RBM14: variants seen among roughly 807,000 people sequenced by gnomAD.
RBM14 encodes RNA-binding protein 14.
In RBM14, 5 loss-of-function variants were observed where a neutral mutation model predicts 52.8. The ratio of observed to expected loss-of-function variants is 0.09; its 90% CI spans 0.05 to 0.20. The LOEUF (loss-of-function observed/expected upper bound fraction) is 0.20. Ranked by LOEUF, RBM14 falls within the 10% of genes least tolerant of loss-of-function variation. The probability of loss-of-function intolerance (pLI) is 1.00; values close to 1 mark genes in which losing one functional copy is unlikely to be tolerated. For missense variants in RBM14, 780 were observed against 926.6 expected, an observed-to-expected ratio of 0.84 and a Z score of 2.05; for synonymous variants, 411 against 401.8, an observed-to-expected ratio of 1.02 and a Z score of -0.28.
At position 66,617,085 on chromosome 11, in the gene RBM14, G is replaced by C. The variant is rs1439765177; in HGVS notation, c.337+28G>C. The C allele has an allele frequency of 3.2e-6, 5 of 1,549,884 alleles. No homozygotes were observed. In the African/African-American group the frequency reaches 6.8e-5, roughly 21 times the overall value. ...AACGCGGAGGCGCGCTCGGGGGCGG[G>C]GGCGCGCTCGGGGCACTCTGCCTGT... On this transcript the variant is annotated intron_variant, in intron 1 of 2. Transcript: ENST00000310137.
chr11:66,625,609 G>A lies in RBM14; in HGVS notation c.1733G>A (p.Arg578His). The stretch of plus-strand genomic sequence containing the variant: ...AACAGCACCCCGCCGCCCTATGAGC[G>A]TACCCGCCTCTCCCCACCCCGGGCC... ...NANSTPPPYE[R>H]TRLSPPRASY... The change falls in exon 2 of 3, where the codon CGT becomes CAT. Residue 578 changes from arginine to histidine, a missense_variant. Coordinates refer to ENST00000310137, the MANE Select transcript of RBM14 (RefSeq NM_006328.4). This position sits in a 1 kb window ranked among gnomAD's most constrained non-coding sequence, Gnocchi z 4.2. 3.7e-6 allele frequency: 6 copies of A among 1,607,344 alleles called. No homozygotes were observed. The highest frequency in any genetic ancestry group is 2.2e-5 in the East Asian group (1 of 44,784).
chr11:66,620,048 G>C (rs149302278), intron 1 of RBM14, among the ~76,000 whole-genome samples: 5 of 152,282 alleles, frequency 3.3e-5, no homozygotes, highest in African/African-American at 9.6e-5. Flanking sequence ...TGGGCAAGAA[G>C]GTTCCTGGAA....
In RBM14 at chr11:66,628,633, A is replaced by C. The variant is rs1025694686; in HGVS notation, c.*1965A>C. On this transcript the variant is annotated 3_prime_UTR_variant, in exon 3 of 3. Coordinates refer to ENST00000310137, the MANE Select transcript of RBM14 (RefSeq NM_006328.4). ...CTTTTTATTTCTTTGCAGGACTGGGAAAGCATGGGAGGAGGATTTTGATAA... is the reference window on the plus strand; with the variant it reads ...CTTTTTATTTCTTTGCAGGACTGGGCAAGCATGGGAGGAGGATTTTGATAA... 3.3e-5 allele frequency among the ~76,000 whole-genome samples: 5 copies of C among 152,032 alleles called. No homozygotes were observed. Among genetic ancestry groups the C allele is most frequent in the Non-Finnish European group, 7.4e-5 (5 of 68,004 alleles).
At position 66,626,690 on chromosome 11, in the gene RBM14, C is replaced by G; in HGVS notation, c.*22C>G. ...GTAGGGCCATCCTGGGATGGGGCAC[C>G]ACAGGGAGGGAGGGAGAAAAGAGGT... is the stretch of plus-strand genomic sequence containing the variant. On this transcript the variant is annotated 3_prime_UTR_variant, in exon 3 of 3. Transcript: ENST00000310137. 6.3e-7 allele frequency: 1 copy of G among 1,577,624 alleles called. No individual in the cohort carries two copies. Among genetic ancestry groups the G allele is most frequent in the Non-Finnish European group, 8.6e-7 (1 of 1,159,588 alleles).
chr11:66,622,234 CTT>C (rs377533228), intron 1 of RBM14, among the ~76,000 whole-genome samples: 29 of 140,438 alleles, frequency 2.1e-4, no homozygotes, highest in Admixed American at 2.2e-4. Context: ...TTCTTTTTTT[CTT>C]TTTTTTTTTT....
chr11:66,627,246 T>A lies in RBM14; in HGVS notation c.*578T>A, dbSNP rs994299365. 6.6e-6 allele frequency: 1 copy of A among 152,244 alleles called. No individual in the cohort carries two copies. The highest frequency in any genetic ancestry group is 1.5e-5 in the Non-Finnish European group (1 of 68,094). The allele number at this position is 152,244 out of a possible 1,614,324, so 9.4% of individuals were successfully genotyped here. ...TGATGGTGAGCGGCACAGTCCCACT[T>A]CCCCATCTCCCCAAGTAGGTGGTGT... On this transcript the variant is annotated 3_prime_UTR_variant, in exon 3 of 3. Transcript: ENST00000310137.
intron 1 of RBM14, among the ~76,000 whole-genome samples, chr11:66,623,582 G>T (rs900268344): frequency 6.6e-6 from 1 of 152,196 alleles, no homozygotes; most frequent in Admixed American, 6.5e-5. Flanking sequence ...TACCTCACAG[G>T]ATTGTGAGGC....
At chr11:66,620,069 C>A (rs529165136) in intron 1 of RBM14, among the ~76,000 whole-genome samples, 1 of 152,134 alleles carries the variant, frequency 6.6e-6, no homozygotes, top group Non-Finnish European at 1.5e-5. Flanking sequence ...TTTTTCAGAT[C>A]TCTGGTTTTA....
Position 66,627,407 on chromosome 11 carries a change from A to G in RBM14, c.*739A>G, listed in dbSNP as rs1269785850. 1.3e-5 allele frequency: 2 copies of G among 152,254 alleles called. No individual in the cohort carries two copies. The highest frequency in any genetic ancestry group is 2.1e-4 in the South Asian group (1 of 4,832). The allele number at this position is 152,254 out of a possible 1,614,324, so 9.4% of individuals were successfully genotyped here. On this transcript the variant is annotated 3_prime_UTR_variant, in exon 3 of 3. Transcript: ENST00000310137. ...GAGCCAATTTGACATCCAGGAAGACATGATAGCTAAAGGGAAGGCAGTCAG... is the reference window on the plus strand; with the variant it reads ...GAGCCAATTTGACATCCAGGAAGACGTGATAGCTAAAGGGAAGGCAGTCAG...
chr11:66,626,696 G>A lies in RBM14; in HGVS notation c.*28G>A. 1 of 1,555,518 alleles carries A rather than the reference G, an allele frequency of 6.4e-7. No individual in the cohort carries two copies. The highest frequency in any genetic ancestry group is 8.7e-7 in the Non-Finnish European group (1 of 1,144,972). ...CCATCCTGGGATGGGGCACCACAGG[G>A]AGGGAGGGAGAAAAGAGGTGGGTAG... is the stretch of plus-strand genomic sequence containing the variant. On this transcript the variant is annotated 3_prime_UTR_variant, in exon 3 of 3. Coordinates refer to ENST00000310137, the MANE Select transcript of RBM14 (RefSeq NM_006328.4).
Position 66,616,766 on chromosome 11 carries a change from G to C in RBM14, c.46G>C (p.Glu16Gln), listed in dbSNP as rs1373187371. The stretch of plus-strand genomic sequence containing the variant: ...CGTCGACGGGGCGGATACGACTCCG[G>C]AGGAGCTGGCAGCCCTCTTTGCGCC... Reference protein sequence around the residue: ...GNVDGADTTPEELAALFAPYG... With the variant: ...GNVDGADTTPQELAALFAPYG... Residue 16 changes from glutamate (E) to glutamine (Q), a missense_variant, in exon 1 of 3, where the codon GAG becomes CAG. By Grantham distance (29) the Glu-to-Gln change is conservative (BLOSUM62 2). Around this residue, in one of 4 missense-constraint regions of RBM14, gnomAD observed 71 missense variants for 119.2 expected, o/e 0.60. Transcript: ENST00000310137. The C allele has an allele frequency of 6.2e-7, 1 of 1,604,626 alleles. No individual in the cohort carries two copies.
rs1293346517 is a variant in RBM14, at chr11:66,624,609, C to T, written c.733C>T (p.Leu245=). Residue 245 remains leucine (L), a synonymous_variant, in exon 2 of 3, where the codon CTG becomes TTG. Transcript: ENST00000310137. The surrounding 1 kb of genome is among the most constrained non-coding windows in gnomAD (Gnocchi z 4.7). ...ATYRAQPSVS[L]GAAYRAQPSA... ...CTACCGGGCCCAGCCGTCCGTGTCACTGGGAGCTGCCTACAGGGCCCAGCC... is the reference window on the plus strand; with the variant it reads ...CTACCGGGCCCAGCCGTCCGTGTCATTGGGAGCTGCCTACAGGGCCCAGCC... 9 of 1,612,492 alleles carry T rather than the reference C, an allele frequency of 5.6e-6. No individual in the cohort carries two copies. The highest frequency in any genetic ancestry group is 7.6e-6 in the Non-Finnish European group (9 of 1,179,968).
At position 66,624,370 on chromosome 11, in the gene RBM14, C is replaced by T; in HGVS notation, c.494C>T (p.Thr165Ile). The change falls in exon 2 of 3, where the codon ACC becomes ATC. Residue 165 changes from threonine (T) to isoleucine (I), a missense_variant. Transcript: ENST00000310137. The surrounding 1 kb of genome is among the most constrained non-coding windows in gnomAD (Gnocchi z 4.7). ...PGLAVQSGDK[T>I]KKPGAGDTAF... ...CTGGCTGTCCAGTCTGGGGACAAGACCAAGAAACCAGGGGCTGGGGATACG... is the reference window on the plus strand; with the variant it reads ...CTGGCTGTCCAGTCTGGGGACAAGATCAAGAAACCAGGGGCTGGGGATACG... 2 of 1,614,166 alleles carry T rather than the reference C, an allele frequency of 1.2e-6. No individual in the cohort carries two copies. The highest frequency in any genetic ancestry group is 1.7e-6 in the Non-Finnish European group (2 of 1,179,990).
rs75163788 is a variant in RBM14 at position 66,629,924 on chromosome 11, G to A, written c.*3256G>A. Among the ~76,000 whole-genome samples, 1,361 of 88,226 alleles carry A rather than the reference G, an allele frequency of 0.015. 22 individuals are homozygous for A. The highest frequency in any genetic ancestry group is 0.042 in the African/African-American group (1,251 of 29,496). The allele number at this position is 88,226 out of a possible 152,430, so 57.9% of individuals were successfully genotyped here. On this transcript the variant is annotated 3_prime_UTR_variant, in exon 3 of 3. Transcript: ENST00000310137. ...AGACCTTGTCTCTACCAAAAGAAAA[G>A]AAAAAAAAAAGCCAGCTGTGGTGGC...
intron 1 of RBM14, among the ~76,000 whole-genome samples, chr11:66,618,744 G>A (rs527278396): frequency 8.6e-4 from 131 of 152,176 alleles, no homozygotes; most frequent in Non-Finnish European, 1.8e-3. Flanking sequence ...AGAGTCTAGA[G>A]TCAAACATCT....
At chr11:66,618,435 C>G (rs1320567901) in intron 1 of RBM14, 2 of 714,936 alleles carry the variant, frequency 2.8e-6, no homozygotes, top group Admixed American at 4.0e-5. Context: ...GTCATAGTGT[C>G]CACTACTAGG....
rs375397190 is a variant in RBM14, at chr11:66,616,903, G to T, written c.183G>T (p.Arg61=). 7 of 1,611,522 alleles carry T rather than the reference G, an allele frequency of 4.3e-6. No individual in the cohort carries two copies. The African/African-American group carries it at 6.7e-5, about 15-fold the overall frequency. Residue 61 remains arginine (R), a synonymous_variant, in exon 1 of 3, where the codon CGG becomes CGT. Coordinates refer to ENST00000310137, the MANE Select transcript of RBM14 (RefSeq NM_006328.4). ...AAGCCCTGCACGGCCACGAGCTGCG[G>T]CCGGGGCGCGCGCTCGTGGTGGAGA... The part of the protein sequence containing the change: ...AIEALHGHEL[R]PGRALVVEMS...
In RBM14 at chr11:66,616,906, G is replaced by C. The variant is rs773246284; in HGVS notation, c.186G>C (p.Pro62=). ...CCCTGCACGGCCACGAGCTGCGGCC[G>C]GGGCGCGCGCTCGTGGTGGAGATGT... is the stretch of plus-strand genomic sequence containing the variant. The part of the protein sequence containing the change: ...IEALHGHELR[P]GRALVVEMSR... The change falls in exon 1 of 3, where the codon CCG becomes CCC. Residue 62 remains proline (P), a synonymous_variant. Transcript: ENST00000310137. The C allele has an allele frequency of 5.0e-6, 8 of 1,611,490 alleles. No individual in the cohort carries two copies.
Position 66,626,752 on chromosome 11 carries a change from C to T in RBM14, c.*84C>T. ...CAGATCCAGGTTATAACTACTCTGG[C>T]CCATACCTTTCCTGGTTGTGGTTTT... On this transcript the variant is annotated 3_prime_UTR_variant, in exon 3 of 3. Transcript: ENST00000310137. The T allele has an allele frequency of 7.7e-7, 1 of 1,297,158 alleles. No homozygotes were observed. Among genetic ancestry groups the T allele is most frequent in the Non-Finnish European group, 1.0e-6 (1 of 960,512 alleles). The allele number at this position is 1,297,158 out of a possible 1,614,324, so 80.4% of individuals were successfully genotyped here.
Sources: gnomAD v4.1 joint callset for allele counts (sites outside exome capture counted in the v4.1 genomes callset) on GRCh38, gnomAD v4.1.1 for gene constraint, gnomAD v4.1.1 regional missense constraint, Gnocchi (gnomAD v3.1) non-coding constraint, MANE v1.5 for transcripts, NCBI Gene and HGNC (gene_info 2026-07-23, HGNC 2026-07-21) for gene names.